RAX: variants seen among roughly 807,000 people sequenced by gnomAD.
RAX encodes the protein retina and anterior neural fold homeobox.
Under a neutral mutation model 17.4 loss-of-function variants are expected in RAX, and 11 were observed. That is an observed-to-expected ratio of 0.63 (90% CI 0.40 to 1.05). The LOEUF is 1.05. Among genes scored for constraint, RAX ranks in the 50% least tolerant of loss-of-function variants. The pLI is 0.00. For synonymous variants in RAX, 276 were observed against 254.7 expected (o/e 1.08, Z -0.80); for missense variants, 527 against 501.1 (o/e 1.05, Z -0.49).
At chr18:59,269,738 C>CTTTT (rs398033067) in intron 2 of RAX, among the ~76,000 whole-genome samples, 5 of 64,096 alleles carry the variant, frequency 7.8e-5, no homozygotes, top group Admixed American at 1.9e-4. Context: ...CTCTCTCTCT[C>CTTTT]TTTTTTTTTT....
In RAX at chr18:59,273,059, T is replaced by G. The variant is rs150622912; in HGVS notation, c.148A>C (p.Thr50Pro). ...CGGGCGCCCCGCTCCGCCGGGAAGG[T>G]GCCGAGGATCCCGTCGTCCTTGGTA... ...GFTKDDGILG[T>P]FPAERGARGA... The change falls in exon 1 of 3, where the codon ACC becomes CCC. Residue 50 changes from threonine (T) to proline (P), a missense_variant. Coordinates refer to ENST00000334889, the MANE Select transcript of RAX (RefSeq NM_013435.3). 3,064 of 1,534,878 alleles carry G rather than the reference T, an allele frequency of 2.0e-3. 36 individuals are homozygous for G. In the African/African-American group the frequency reaches 0.035, roughly 18 times the overall value.
In RAX at chr18:59,269,022, CT is replaced by C; in HGVS notation, c.1022del (p.Lys341SerfsTer51). The C allele has an allele frequency of 1.2e-6, 2 of 1,613,062 alleles. No individual in the cohort carries two copies. The highest frequency in any genetic ancestry group is 1.7e-6 in the Non-Finnish European group (2 of 1,179,872). ...AGTGCCCCTAGAGGGCCTGCCACGG[CT>C]TCCCGATGGCCTGGATGTGCTCCTT... Reference protein sequence around the residue: ...KAKEHIQAIGKPWQAL With the variant: ...KAKEHIQAIGXPWQAL On this transcript the variant is annotated frameshift_variant, in exon 3 of 3. Coordinates refer to ENST00000334889, the MANE Select transcript of RAX (RefSeq NM_013435.3). LOFTEE classifies it high-confidence loss of function.
intron 2 of RAX, 47 bp from the exon 3 acceptor site, chr18:59,269,548 GC>G (rs762506708): frequency 2.9e-5 from 46 of 1,586,770 alleles, no homozygotes; most frequent in Non-Finnish European, 3.6e-5. Flanking sequence ...GGAGGCTGCG[GC>G]CGCGTCCCCA....
chr18:59,269,610 A>C, intron 2 of RAX, 109 bp from the exon 3 acceptor site: 1 of 1,259,666 alleles, frequency 7.9e-7, no homozygotes, highest in Non-Finnish European at 1.1e-6. Context: ...CCTCAAATAA[A>C]ACTAGGGGCG....
At position 59,269,286 on chromosome 18, in the gene RAX, GC is replaced by G. The variant is rs1366934486; in HGVS notation, c.758del (p.Gly253AlafsTer32). ...CCGGCAGGCTCTGCAGCGCCGTGGC[GC>G]CCCCGCCCGGCAGCGGCGGCCCGAG... ...SWLGPPLPGG[G>X]ATALQSLPGF... On this transcript the variant is annotated frameshift_variant, in exon 3 of 3. Coordinates refer to ENST00000334889, the MANE Select transcript of RAX (RefSeq NM_013435.3). LOFTEE classifies it low-confidence loss of function (END_TRUNC). The G allele has an allele frequency of 1.5e-6, 2 of 1,309,926 alleles. No homozygotes were observed. Among genetic ancestry groups the G allele is most frequent in the Admixed American group, 3.7e-5 (1 of 27,352 alleles). 81.1% of individuals were successfully genotyped at this position (1,309,926 alleles called of 1,614,324 possible).
chr18:59,271,982 G>A (rs1198158373), intron 2 of RAX, among the ~76,000 whole-genome samples: 4 of 152,176 alleles, frequency 2.6e-5, no homozygotes, highest in African/African-American at 9.7e-5. Context: ...AGTGACGAGG[G>A]TGGCATTTGG....
rs1295673512 is a variant in RAX at position 59,273,124 on chromosome 18, C to T, written c.83G>A (p.Ser28Asn). Residue 28 changes from serine to asparagine, a missense_variant, in exon 1 of 3, where the codon AGC becomes AAC. Coordinates refer to ENST00000334889, the MANE Select transcript of RAX (RefSeq NM_013435.3). ...CTCGATGCTGTGAAGTCGCGAGGTG[C>T]TCCCGCCCGGGCTGCGGAGCAGGTG... ...AGHLLRSPGG[S>N]TSRLHSIEAI... The T allele has an allele frequency of 1.3e-6, 2 of 1,534,974 alleles. No individual in the cohort carries two copies. Among genetic ancestry groups the T allele is most frequent in the Admixed American group, 3.9e-5 (2 of 50,970 alleles).
chr18:59,269,235 C>A lies in RAX; in HGVS notation c.810G>T (p.Leu270=). ...LPGFGPPAQS[L]PASYTPPPPP... is the part of the protein sequence containing the mutation. The stretch of plus-strand genomic sequence containing the variant: ...GCGGCGGTGGCGTGTAGCTGGCAGG[C>A]AGGCTCTGCGCCGGCGGCCCGAAGC... Residue 270 remains leucine (L), a synonymous_variant, in exon 3 of 3, where the codon CTG becomes CTT. Coordinates refer to ENST00000334889, the MANE Select transcript of RAX (RefSeq NM_013435.3). 1 of 1,518,762 alleles carries A rather than the reference C, an allele frequency of 6.6e-7. No individual in the cohort carries two copies. Among genetic ancestry groups the A allele is most frequent in the South Asian group, 1.2e-5 (1 of 82,182 alleles). 94.1% of individuals were successfully genotyped at this position (1,518,762 alleles called of 1,614,324 possible). A position where few individuals can be genotyped will look rare whatever the true frequency, so the allele number is the denominator to read the frequency against.
chr18:59,271,319 C>T (rs534637300), intron 2 of RAX, among the ~76,000 whole-genome samples: 1 of 152,324 alleles, frequency 6.6e-6, no homozygotes, highest in South Asian at 2.1e-4. Flanking sequence ...CCTCTCCCAT[C>T]CTTCTTTTTT....
intron 1 of RAX, 81 bp downstream of exon 1, chr18:59,272,837 T>C: frequency 6.8e-7 from 1 of 1,477,542 alleles, no homozygotes; most frequent in Non-Finnish European, 8.9e-7. Context: ...TAATAAAAGT[T>C]AAGGAAGGGG....
chr18:59,267,903 C>A lies in RAX; in HGVS notation c.*1101G>T, dbSNP rs2070294825. On this transcript the variant is annotated 3_prime_UTR_variant, in exon 3 of 3. Coordinates refer to ENST00000334889, the MANE Select transcript of RAX (RefSeq NM_013435.3). ...CGGTGGCGTAGGGCGCTCCAGGACA[C>A]TCTCCGAGCGCGGCACCTCACCAGA... is the stretch of plus-strand genomic sequence containing the variant. 6.6e-6 allele frequency: 1 copy of A among 152,298 alleles called. No individual in the cohort carries two copies. Among genetic ancestry groups the A allele is most frequent in the Non-Finnish European group, 1.5e-5 (1 of 68,098 alleles). 9.4% of individuals were successfully genotyped at this position (152,298 alleles called of 1,614,324 possible).
rs372284307 is a variant in RAX, at chr18:59,268,694, G to C, written c.*310C>G. 1.2e-4 allele frequency: 61 copies of C among 523,716 alleles called. No individual in the cohort carries two copies. The highest frequency in any genetic ancestry group is 9.1e-4 in the African/African-American group (47 of 51,462). The allele number at this position is 523,716 out of a possible 1,614,324, so 32.4% of individuals were successfully genotyped here. On this transcript the variant is annotated 3_prime_UTR_variant, in exon 3 of 3. Transcript: ENST00000334889. The surrounding 1 kb of genome is among the most constrained non-coding windows in gnomAD (Gnocchi z 4.4). Reference sequence around the variant, plus strand: ...TAGGAGCTTCAGCCTGTTTGGGCCTGGAGGCTCCAGCGCCTGCGGTGATGG... The same window carrying C: ...TAGGAGCTTCAGCCTGTTTGGGCCTCGAGGCTCCAGCGCCTGCGGTGATGG...
intron 2 of RAX, among the ~76,000 whole-genome samples, chr18:59,270,397 CTTCTTT>C (rs1160394258): frequency 6.6e-6 from 1 of 152,146 alleles, no homozygotes; most frequent in Non-Finnish European, 1.5e-5. Flanking sequence ...TTTGCTTCTT[CTTCTTT>C]ATCTGTACGA....
chr18:59,272,274 T>C (rs762347377), intron 2 of RAX, 87 bp downstream of exon 2: 12 of 1,574,488 alleles, frequency 7.6e-6, no homozygotes, highest in Non-Finnish European at 1.0e-5. Context: ...AATAAATGCA[T>C]GGACACCCGT....
chr18:59,272,615 C>T lies in RAX; in HGVS notation c.290-1G>A. ...TCCTTGGGGCAGTAGGGTCGAGGGG[C>T]TGGGGCGACGAGGCCCGGGAGGGTC... On this transcript the variant is annotated splice_acceptor_variant, in intron 1 of 2. Transcript: ENST00000334889. LOFTEE classifies it high-confidence loss of function. 6.2e-7 allele frequency: 1 copy of T among 1,609,132 alleles called. No individual in the cohort carries two copies. The highest frequency in any genetic ancestry group is 8.5e-7 in the Non-Finnish European group (1 of 1,178,974).
chr18:59,272,851 T>G, intron 1 of RAX, 67 bp downstream of exon 1: 4 of 1,486,204 alleles, frequency 2.7e-6, no homozygotes, highest in Non-Finnish European at 2.7e-6. Flanking sequence ...GAAGGGGCGC[T>G]CTCGTCTGGC....
At position 59,273,338 on chromosome 18, in the gene RAX, G is replaced by A. The variant is rs978744236; in HGVS notation, c.-132C>T. ...CAAGCTCCGCGGGCGAAGCCCGCCC[G>A]GGCTGCGCACGCTGGGGGTGGCCGA... On this transcript the variant is annotated 5_prime_UTR_variant, in exon 1 of 3. Transcript: ENST00000334889. The A allele has an allele frequency of 2.9e-5, 29 of 1,007,088 alleles. 2 individuals carry two copies. The South Asian group carries it at 4.4e-4, about 15-fold the overall frequency. 62.4% of individuals were successfully genotyped at this position (1,007,088 alleles called of 1,614,324 possible).
At chr18:59,269,740 T>C (rs866085228) in intron 2 of RAX, among the ~76,000 whole-genome samples, 127 of 127,678 alleles carry the variant, frequency 9.9e-4, no homozygotes, top group Middle Eastern at 3.7e-3. Context: ...CTCTCTCTCT[T>C]TTTTTTTTTT....
Position 59,273,293 on chromosome 18 carries a change from G to C in RAX, c.-87C>G. The C allele has an allele frequency of 7.4e-7, 1 of 1,353,108 alleles. No homozygotes were observed. Among genetic ancestry groups the C allele is most frequent in the Non-Finnish European group, 9.8e-7 (1 of 1,017,316 alleles). 83.8% of individuals were successfully genotyped at this position (1,353,108 alleles called of 1,614,324 possible). A position where few individuals can be genotyped will look rare whatever the true frequency, so the allele number is the denominator to read the frequency against. On this transcript the variant is annotated 5_prime_UTR_variant, in exon 1 of 3. Transcript: ENST00000334889. The stretch of plus-strand genomic sequence containing the variant: ...CTTCCCGAGTGCGGCGGTGCAACCC[G>C]ACGGGTCCCGACCCTAGGTCAAGCT...
Sources: allele counts gnomAD v4.1 joint callset (sites outside exome capture counted in the v4.1 genomes callset), GRCh38; gene constraint gnomAD v4.1.1; non-coding constraint Gnocchi (gnomAD v3.1); transcripts MANE v1.5; gene names NCBI Gene and HGNC (gene_info 2026-07-23, HGNC 2026-07-21).